Variants in CREB5 observed in about 807,000 individuals in gnomAD.
CREB5 encodes the protein cyclic AMP-responsive element-binding protein 5.
A neutral mutation model predicts 57.1 loss-of-function variants in CREB5; 19 were observed. That is an observed-to-expected ratio of 0.33 (90% confidence interval 0.23 to 0.49). The LOEUF (loss-of-function observed/expected upper bound fraction) is 0.49. CREB5 is among the 20% of genes least tolerant of loss of function. The probability of loss-of-function intolerance (pLI) is 0.99; values close to 1 mark genes in which losing one functional copy is unlikely to be tolerated. For missense variants in CREB5, 579 were observed against 671.6 expected (o/e 0.86, Z 1.52); for synonymous variants, 238 against 238.3 (o/e 1.00, Z 0.01).
intron 1 of CREB5, among the ~76,000 whole-genome samples, chr7:28,340,633 C>CTG (rs1433268924): frequency 6.6e-6 from 1 of 152,226 alleles, no homozygotes; most frequent in Non-Finnish European, 1.5e-5. Context: ...CTTGACCACT[C>CTG]TGGCTGGTAT....
At chr7:28,769,616 C>T (rs183486370) in intron 7 of CREB5, among the ~76,000 whole-genome samples, 3 of 152,208 alleles carry the variant, frequency 2.0e-5, no homozygotes, top group South Asian at 2.1e-4. Context: ...CTGTACCTTC[C>T]GGTGGATAGA....
intron 1 of CREB5, among the ~76,000 whole-genome samples, chr7:28,329,836 T>C (rs984811071): frequency 6.6e-6 from 1 of 152,266 alleles, no homozygotes; most frequent in Non-Finnish European, 1.5e-5. Context: ...CTCACAACTT[T>C]AGCTGTGCCA....
At chr7:28,656,621 C>T (rs1377323066) in intron 5 of CREB5, among the ~76,000 whole-genome samples, 1 of 152,178 alleles carries the variant, frequency 6.6e-6, no homozygotes, top group African/African-American at 2.4e-5. Flanking sequence ...TGGATTTGCA[C>T]TTTCAACAGT....
chr7:28,574,927 A>C (rs1362894947), intron 5 of CREB5, among the ~76,000 whole-genome samples: 1 of 152,226 alleles, frequency 6.6e-6, no homozygotes, highest in African/African-American at 2.4e-5. Context: ...CCCTATTTGC[A>C]TGGGGCTGTA....
intron 4 of CREB5, among the ~76,000 whole-genome samples, chr7:28,569,532 A>G (rs1795614365): frequency 6.6e-6 from 1 of 152,206 alleles, no homozygotes; most frequent in Non-Finnish European, 1.5e-5. Flanking sequence ...ACATGATATT[A>G]GGTCCTATAA....
At chr7:28,308,486 G>T (rs1482252960) in intron 1 of CREB5, among the ~76,000 whole-genome samples, 2 of 152,196 alleles carry the variant, frequency 1.3e-5, no homozygotes, top group African/African-American at 4.8e-5. Context: ...GCCTCATTTT[G>T]CAGAGGAGAA....
At chr7:28,642,979 C>CATACACACACACAT (rs1798727856) in intron 5 of CREB5, among the ~76,000 whole-genome samples, 7 of 101,186 alleles carry the variant, frequency 6.9e-5, no homozygotes, top group African/African-American at 2.5e-4. Flanking sequence ...CACACACACA[C>CATACACACACACAT]ACACACATAC....
chr7:28,520,067 T>TGAAAG (rs1359429939), intron 4 of CREB5, among the ~76,000 whole-genome samples: 1 of 152,206 alleles, frequency 6.6e-6, no homozygotes, highest in Non-Finnish European at 1.5e-5. Flanking sequence ...AGGAATGGCT[T>TGAAAG]GAAAGGAACT....
chr7:28,803,909 C>T (rs902361760), intron 7 of CREB5, among the ~76,000 whole-genome samples: 7 of 151,860 alleles, frequency 4.6e-5, no homozygotes, highest in African/African-American at 1.7e-4. Context: ...TAGGAAATAC[C>T]TTTTAGTAGA....
chr7:28,610,848 G>C (rs893915348), intron 5 of CREB5, among the ~76,000 whole-genome samples: 3 of 151,720 alleles, frequency 2.0e-5, no homozygotes, highest in Admixed American at 2.0e-4. Flanking sequence ...GCTTCTTTTT[G>C]TTTTGTTTTG....
chr7:28,800,853 G>C (rs1470365440), intron 7 of CREB5, among the ~76,000 whole-genome samples: 2 of 152,174 alleles, frequency 1.3e-5, no homozygotes, highest in Non-Finnish European at 2.9e-5. Context: ...ATGATGGGGA[G>C]GTGGCAAAAC....
At chr7:28,490,379 G>A (rs902419227) in intron 2 of CREB5, among the ~76,000 whole-genome samples, 3 of 152,222 alleles carry the variant, frequency 2.0e-5, no homozygotes, top group Non-Finnish European at 2.9e-5. Context: ...GGCATTTAAT[G>A]GAATGGGACT....
At chr7:28,531,769 G>A (rs935928174) in intron 4 of CREB5, among the ~76,000 whole-genome samples, 1 of 152,144 alleles carries the variant, frequency 6.6e-6, no homozygotes, top group African/African-American at 2.4e-5. Flanking sequence ...GGGGGCTCAC[G>A]CCTGTAATCC....
At chr7:28,549,192 CT>C (rs1368545464) in intron 4 of CREB5, among the ~76,000 whole-genome samples, 1 of 152,144 alleles carries the variant, frequency 6.6e-6, no homozygotes, top group African/African-American at 2.4e-5. Context: ...AAAAATTCAG[CT>C]TTGTGAAGAT....
rs941894462 is a variant in CREB5 at position 28,341,865 on chromosome 7, C to T, written c.-25+42424C>T. Reference sequence around the variant, plus strand: ...TCACTAGAATATATGTACCTTTACCCCTTTCTTGAAAGTCAGCAGTGAGGG... The same window carrying T: ...TCACTAGAATATATGTACCTTTACCTCTTTCTTGAAAGTCAGCAGTGAGGG... On this transcript the variant is annotated intron_variant, in intron 1 of 9. Transcript: ENST00000396299. Among the ~76,000 whole-genome samples the T allele has an allele frequency of 2.6e-4, 40 of 152,108 alleles. 2 individuals are homozygous for T. The highest frequency in any genetic ancestry group is 1.3e-4 in the Non-Finnish European group (9 of 68,026).
intron 7 of CREB5, among the ~76,000 whole-genome samples, chr7:28,793,090 T>C (rs1457008523): frequency 6.6e-6 from 1 of 152,060 alleles, no homozygotes; most frequent in South Asian, 2.1e-4. Context: ...TCTCTCTCTC[T>C]CACTTCCCCT....
chr7:28,685,315 A>C (rs1583543877), intron 5 of CREB5, among the ~76,000 whole-genome samples: 1 of 152,302 alleles, frequency 6.6e-6, no homozygotes, highest in South Asian at 2.1e-4. Context: ...AGGGTGACCC[A>C]TAGGGGCCAA....
At chr7:28,594,581 A>AT (rs1796633266) in intron 5 of CREB5, among the ~76,000 whole-genome samples, 1 of 152,202 alleles carries the variant, frequency 6.6e-6, no homozygotes, top group African/African-American at 2.4e-5. Context: ...TGACTTTAAC[A>AT]TGTCAATCAC....
intron 5 of CREB5, among the ~76,000 whole-genome samples, chr7:28,715,810 A>G (rs1333040337): frequency 6.6e-6 from 1 of 152,318 alleles, no homozygotes; most frequent in Admixed American, 6.5e-5. Context: ...AGGGATCTCA[A>G]ATAATCCTTT....
Sources: allele counts gnomAD v4.1 joint callset (sites outside exome capture counted in the v4.1 genomes callset), GRCh38; gene constraint gnomAD v4.1.1; transcripts MANE v1.5; gene names NCBI Gene and HGNC (gene_info 2026-07-23, HGNC 2026-07-21).